The following CCDC134 variants were observed in gnomAD, a reference collection of about 807,000 sequenced individuals.
CCDC134 encodes the protein coiled-coil domain containing 134.
Under a neutral mutation model 25.6 loss-of-function variants are expected in CCDC134, and 27 were observed. That is an observed-to-expected ratio of 1.05 (90% CI 0.78 to 1.45). The LOEUF (loss-of-function observed/expected upper bound fraction) is 1.45. Ranked by LOEUF, CCDC134 falls within the 40% of genes most tolerant of loss-of-function variation. The pLI, the probability that CCDC134 is intolerant of heterozygous loss-of-function variation, is 0.00. For missense variants in CCDC134, 261 were observed against 286.7 expected, an observed-to-expected ratio of 0.91 and a Z score of 0.65; for synonymous variants, 110 against 115.0, an observed-to-expected ratio of 0.96 and a Z score of 0.28.
rs1257973347 is a variant in CCDC134 at position 41,830,342 on chromosome 22, C to T, written c.*4519C>T. 6.6e-6 allele frequency among the ~76,000 whole-genome samples: 1 copy of T among 152,214 alleles called. No homozygotes were observed. Among genetic ancestry groups the T allele is most frequent in the Non-Finnish European group, 1.5e-5 (1 of 68,036 alleles). Reference sequence around the variant, plus strand: ...AGGCATCACGCCCTCTGGGCAGGCTCAGTGGGGAACTATGGGAGCAGGTGC... The same window carrying T: ...AGGCATCACGCCCTCTGGGCAGGCTTAGTGGGGAACTATGGGAGCAGGTGC... On this transcript the variant is annotated 3_prime_UTR_variant, in exon 7 of 7. Transcript: ENST00000255784.
chr22:41,826,163 A>G lies in CCDC134; in HGVS notation c.*340A>G. 4.3e-6 allele frequency: 1 copy of G among 230,078 alleles called. No homozygotes were observed. Among genetic ancestry groups the G allele is most frequent in the Non-Finnish European group, 8.8e-6 (1 of 113,620 alleles). 14.3% of individuals were successfully genotyped at this position (230,078 alleles called of 1,614,324 possible). On this transcript the variant is annotated 3_prime_UTR_variant, in exon 7 of 7. Transcript: ENST00000255784. ...AGCTGGCTTCCGCCCTTGGTGGGGA[A>G]GCAGCAGAACTAGGTTCTGAGCCAC...
chr22:41,821,315 C>CT (rs112791845), intron 6 of CCDC134, among the ~76,000 whole-genome samples: 1,892 of 145,882 alleles, frequency 0.013, 31 homozygotes, highest in African/African-American at 0.043. Context: ...GTTTTCCTTT[C>CT]TTTTTTTTTT....
chr22:41,814,436 G>A (rs1236325128), intron 6 of CCDC134, among the ~76,000 whole-genome samples: 1 of 152,146 alleles, frequency 6.6e-6, no homozygotes, highest in Admixed American at 6.5e-5. Flanking sequence ...GCGTGGTGGT[G>A]CATGCCTGTA....
chr22:41,809,618 G>A (rs1304605651), intron 2 of CCDC134, among the ~76,000 whole-genome samples: 1 of 152,198 alleles, frequency 6.6e-6, no homozygotes, highest in East Asian at 1.9e-4. Context: ...ACGGCAGGAA[G>A]ACCACAGCAA....
At position 41,827,679 on chromosome 22, in the gene CCDC134, C is replaced by G. The variant is rs1198798149; in HGVS notation, c.*1856C>G. 6.6e-6 allele frequency among the ~76,000 whole-genome samples: 1 copy of G among 152,176 alleles called. No homozygotes were observed. Among genetic ancestry groups the G allele is most frequent in the Non-Finnish European group, 1.5e-5 (1 of 68,026 alleles). On this transcript the variant is annotated 3_prime_UTR_variant, in exon 7 of 7. Transcript: ENST00000255784. ...TACAAATTCATTTACAGCATATACC[C>G]TATGGGGAGGATATTCCCTGTTATA...
Position 41,830,978 on chromosome 22 carries a change from C to A in CCDC134, c.*5155C>A, listed in dbSNP as rs191079099. Among the ~76,000 whole-genome samples the A allele has an allele frequency of 6.6e-6, 1 of 151,160 alleles. No homozygotes were observed. Among genetic ancestry groups the A allele is most frequent in the African/African-American group, 2.4e-5 (1 of 41,082 alleles). Reference sequence around the variant, plus strand: ...TCTGCTCACCGTAACTTCTGCCTCCCGGGTTCAAGCAAGTCTCCTGCCTCA... The same window carrying A: ...TCTGCTCACCGTAACTTCTGCCTCCAGGGTTCAAGCAAGTCTCCTGCCTCA... On this transcript the variant is annotated 3_prime_UTR_variant, in exon 7 of 7. Transcript: ENST00000255784.
At chr22:41,823,037 T>C (rs1334948529) in intron 6 of CCDC134, among the ~76,000 whole-genome samples, 1 of 152,168 alleles carries the variant, frequency 6.6e-6, no homozygotes, top group Non-Finnish European at 1.5e-5. Context: ...AAAGGGTGTG[T>C]TTTACAGCAC....
At chr22:41,812,708 A>C (rs2076603170) in intron 4 of CCDC134, among the ~76,000 whole-genome samples, 2 of 152,174 alleles carry the variant, frequency 1.3e-5, no homozygotes, top group South Asian at 4.1e-4. Context: ...AAATGAAATA[A>C]AATGGAAAGA....
rs148815506 is a variant in CCDC134 at position 41,828,731 on chromosome 22, G to A, written c.*2908G>A. 7.2e-5 allele frequency among the ~76,000 whole-genome samples: 11 copies of A among 152,324 alleles called. No homozygotes were observed. The East Asian group carries it at 2.1e-3, about 29-fold the overall frequency. On this transcript the variant is annotated 3_prime_UTR_variant, in exon 7 of 7. Coordinates refer to ENST00000255784, the MANE Select transcript of CCDC134 (RefSeq NM_024821.5). ...CCAGCTGCCTCTTGCAGCTGGGATTGTTAGGTCACTATAGCGCTACCAACT... is the reference window on the plus strand; with the variant it reads ...CCAGCTGCCTCTTGCAGCTGGGATTATTAGGTCACTATAGCGCTACCAACT...
At chr22:41,819,999 A>ATATATATATATATATATATATAT (rs1491457516) in intron 6 of CCDC134, among the ~76,000 whole-genome samples, 31 of 109,004 alleles carry the variant, frequency 2.8e-4, no homozygotes, top group African/African-American at 1.2e-3. Flanking sequence ...ATATATATAT[A>ATATATATATATATATATATATAT]ATTTTTTTTT....
chr22:41,825,561 C>G lies in CCDC134; in HGVS notation c.565-137C>G, dbSNP rs1202800406. On this transcript the variant is annotated intron_variant, in intron 6 of 6. Transcript: ENST00000255784. The surrounding 1 kb of genome is among the most constrained non-coding windows in gnomAD (Gnocchi z 4.4). Reference sequence around the variant, plus strand: ...CACCCACTCAGCAGTTCTCCCAAACCCATTTCCTGTCTCCGTGTCTGGGGC... The same window carrying G: ...CACCCACTCAGCAGTTCTCCCAAACGCATTTCCTGTCTCCGTGTCTGGGGC... 1 of 1,150,762 alleles carries G rather than the reference C, an allele frequency of 8.7e-7. No homozygotes were observed. The highest frequency in any genetic ancestry group is 2.4e-5 in the Admixed American group (1 of 41,156). 71.3% of individuals were successfully genotyped at this position (1,150,762 alleles called of 1,614,324 possible). A position where few individuals can be genotyped will look rare whatever the true frequency, so the allele number is the denominator to read the frequency against.
At chr22:41,800,904 C>T (rs1024886868) in intron 1 of CCDC134, 138 bp downstream of exon 1, 1 of 152,242 alleles carries the variant, frequency 6.6e-6, no homozygotes, top group Non-Finnish European at 1.5e-5. Context: ...AGGCTCGCTC[C>T]CTCCTCCGGG....
At chr22:41,810,060 G>A in intron 3 of CCDC134, 60 bp downstream of exon 3, 1 of 1,607,146 alleles carries the variant, frequency 6.2e-7, no homozygotes, top group Non-Finnish European at 8.5e-7. Context: ...GCACTGATGG[G>A]TAAACAGGAG....
chr22:41,809,959 C>T lies in CCDC134; in HGVS notation c.184C>T (p.Gln62Ter), dbSNP rs1267160665. Residue 62 changes from glutamine to a stop codon, truncating the protein, a stop_gained, in exon 3 of 7, where the codon CAG becomes TAG. Transcript: ENST00000255784. LOFTEE classifies it high-confidence loss of function. ...NLAQLNDIHQ[Q>*]YKILDVMLKG... Reference sequence around the variant, plus strand: ...GGCACAGCTGAACGACATCCACCAGCAGTACAAGATCCTTGATGTCATGCT... The same window carrying T: ...GGCACAGCTGAACGACATCCACCAGTAGTACAAGATCCTTGATGTCATGCT... The T allele has an allele frequency of 1.2e-6, 2 of 1,614,042 alleles. No homozygotes were observed. Among genetic ancestry groups the T allele is most frequent in the Non-Finnish European group, 1.7e-6 (2 of 1,180,040 alleles).
rs1373501375 is a variant in CCDC134, at chr22:41,828,963, G to A, written c.*3140G>A. ...GAGCTCCCTGATATCCTTTAAGACA[G>A]CGTTTTCCAGCAGCGGCACTATTAA... On this transcript the variant is annotated 3_prime_UTR_variant, in exon 7 of 7. Coordinates refer to ENST00000255784, the MANE Select transcript of CCDC134 (RefSeq NM_024821.5). Among the ~76,000 whole-genome samples the A allele has an allele frequency of 6.6e-6, 1 of 152,182 alleles. No homozygotes were observed. Among genetic ancestry groups the A allele is most frequent in the Non-Finnish European group, 1.5e-5 (1 of 68,042 alleles).
chr22:41,830,895 T>C lies in CCDC134; in HGVS notation c.*5072T>C, dbSNP rs1357937059. ...TTTTCTTTTCTTTTCTTTTTTTTTT[T>C]TTTTTTTTTTTGAGACGCAGTCTCC... is the stretch of plus-strand genomic sequence containing the variant. On this transcript the variant is annotated 3_prime_UTR_variant, in exon 7 of 7. Transcript: ENST00000255784. Among the ~76,000 whole-genome samples, 7 of 144,882 alleles carry C rather than the reference T, an allele frequency of 4.8e-5. No individual in the cohort carries two copies. The highest frequency in any genetic ancestry group is 1.6e-4 in the African/African-American group (6 of 38,358).
Position 41,825,999 on chromosome 22 carries a change from G to A in CCDC134, c.*176G>A. 2.4e-6 allele frequency: 2 copies of A among 824,558 alleles called. No individual in the cohort carries two copies. Among genetic ancestry groups the A allele is most frequent in the Admixed American group, 2.5e-5 (1 of 39,748 alleles). The allele number at this position is 824,558 out of a possible 1,614,324, so 51.1% of individuals were successfully genotyped here. A position where few individuals can be genotyped will look rare whatever the true frequency, so the allele number is the denominator to read the frequency against. ...CAGCTGAAGGGACTGAGCCTCAGATGGCTGGATTTTCTCTCAGGGGCCTCC... is the reference window on the plus strand; with the variant it reads ...CAGCTGAAGGGACTGAGCCTCAGATAGCTGGATTTTCTCTCAGGGGCCTCC... On this transcript the variant is annotated 3_prime_UTR_variant, in exon 7 of 7. Transcript: ENST00000255784. This position sits in a 1 kb window ranked among gnomAD's most constrained non-coding sequence, Gnocchi z 4.4.
chr22:41,818,836 TGG>T (rs1449785812), intron 6 of CCDC134, among the ~76,000 whole-genome samples: 1 of 152,262 alleles, frequency 6.6e-6, no homozygotes. Flanking sequence ...CTCAAGGCCA[TGG>T]CAGATTGCCT....
At chr22:41,818,005 C>A (rs1487532877) in intron 6 of CCDC134, among the ~76,000 whole-genome samples, 1 of 152,114 alleles carries the variant, frequency 6.6e-6, no homozygotes, top group Non-Finnish European at 1.5e-5. Context: ...GTGTCAGGTT[C>A]CCAGAACCAC....
Sources: gnomAD v4.1 joint callset for allele counts (sites outside exome capture counted in the v4.1 genomes callset) on GRCh38, gnomAD v4.1.1 for gene constraint, Gnocchi (gnomAD v3.1) non-coding constraint, MANE v1.5 for transcripts, NCBI Gene and HGNC (gene_info 2026-07-23, HGNC 2026-07-21) for gene names.